CCDC57: variants seen among roughly 807,000 people sequenced by gnomAD.
CCDC57 encodes coiled-coil domain containing 57, also known as coiled-coil domain-containing protein 57.
CCDC57 carries 118 observed loss-of-function variants against 118.9 expected under a neutral mutation model. The observed-to-expected ratio is 0.99, with a 90% CI of 0.86 to 1.16. The LOEUF is 1.16. Ranked by LOEUF, CCDC57 falls within the 50% of genes most tolerant of loss-of-function variation. The pLI, the probability that CCDC57 is intolerant of heterozygous loss-of-function variation, is 0.00. For missense variants in CCDC57, 1,300 were observed against 1,320.7 expected (o/e 0.98, Z 0.24); for synonymous variants, 527 against 532.9 (o/e 0.99, Z 0.15).
chr17:82,157,455 C>G, intron 15 of CCDC57: 1 of 1,383,166 alleles, frequency 7.2e-7, no homozygotes, highest in Non-Finnish European at 9.3e-7. Context: ...GTGTGCGTTT[C>G]CAACACAAGA....
intron 16 of CCDC57, among the ~76,000 whole-genome samples, chr17:82,136,838 C>T (rs12603637): frequency 0.47 from 70,989 of 151,796 alleles, 17,403 homozygotes; most frequent in East Asian, 0.88. Context: ...CTCCCTTGGC[C>T]TCCCAAAGGG....
chr17:82,209,346 C>A (rs879334600), intron 1 of CCDC57, among the ~76,000 whole-genome samples: 1 of 152,166 alleles, frequency 6.6e-6, no homozygotes, highest in Non-Finnish European at 1.5e-5. Context: ...ACCACGTATA[C>A]ATGTTTCATG....
rs2044958793 is a variant in CCDC57, at chr17:82,172,989, C to T, written c.1507-129G>A. On this transcript the variant is annotated intron_variant, in intron 11 of 19. Transcript: ENST00000665763. This position sits in a 1 kb window ranked among gnomAD's most constrained non-coding sequence, Gnocchi z 5.2. The stretch of plus-strand genomic sequence containing the variant: ...CCCGCTTCAGCTTGGGCTGTGGTCC[C>T]TCCCCATCCCCAGGCTGTGATGCCC... The T allele has an allele frequency of 5.3e-6, 4 of 754,864 alleles. No homozygotes were observed. In the Admixed American group the frequency reaches 8.5e-5, roughly 16 times the overall value. The allele number at this position is 754,864 out of a possible 1,614,324, so 46.8% of individuals were successfully genotyped here.
At chr17:82,109,456 G>T (rs2035093881) in intron 19 of CCDC57, among the ~76,000 whole-genome samples, 1 of 152,160 alleles carries the variant, frequency 6.6e-6, no homozygotes, top group South Asian at 2.1e-4. Context: ...TGAAACAAAT[G>T]GAAAATAAAT....
chr17:82,198,806 C>T (rs9911572), intron 3 of CCDC57, among the ~76,000 whole-genome samples: 69,677 of 151,308 alleles, frequency 0.46, 16,847 homozygotes, highest in East Asian at 0.88. Flanking sequence ...CTGGCTAACA[C>T]GGTGAAACCC....
chr17:82,199,551 A>G (rs536982250), intron 3 of CCDC57, among the ~76,000 whole-genome samples: 17 of 152,162 alleles, frequency 1.1e-4, no homozygotes, highest in Non-Finnish European at 2.9e-5. Flanking sequence ...TGGAGAGAAG[A>G]ATGAGCAAAA....
At chr17:82,141,127 C>T (rs1204685166) in intron 16 of CCDC57, among the ~76,000 whole-genome samples, 2 of 151,790 alleles carry the variant, frequency 1.3e-5, no homozygotes, top group South Asian at 2.1e-4. Context: ...TCTCCTGCCT[C>T]AGCCTCTTGA....
chr17:82,152,835 G>A (rs1473490595), intron 15 of CCDC57, among the ~76,000 whole-genome samples: 1 of 152,244 alleles, frequency 6.6e-6, no homozygotes, highest in African/African-American at 2.4e-5. Context: ...TGGATGGCCT[G>A]GGGTGCAGCC....
chr17:82,118,066 G>T lies in CCDC57; in HGVS notation c.2899+9626C>A, dbSNP rs2036163409. 6.6e-6 allele frequency among the ~76,000 whole-genome samples: 1 copy of T among 152,200 alleles called. No individual in the cohort carries two copies. Among genetic ancestry groups the T allele is most frequent in the South Asian group, 2.1e-4 (1 of 4,834 alleles). On this transcript the variant is annotated intron_variant, in intron 19 of 19. Transcript: ENST00000665763. This position sits in a 1 kb window ranked among gnomAD's most constrained non-coding sequence, Gnocchi z 4.7. The stretch of plus-strand genomic sequence containing the variant: ...CGGCGGCTCACAAAACTACCAGAAA[G>T]ATCTGTCGGCTCTGTGTGTACTGAC...
chr17:82,163,349 C>T, exon 14 of CCDC57: 1 of 1,613,978 alleles, frequency 6.2e-7, no homozygotes, highest in Non-Finnish European at 8.5e-7. Context: ...CCAGCTTGGG[C>T]AGACCCTCCT....
At chr17:82,196,701 C>A (rs2048333359) in intron 4 of CCDC57, among the ~76,000 whole-genome samples, 1 of 152,078 alleles carries the variant, frequency 6.6e-6, no homozygotes. Context: ...AACACTTACA[C>A]CTACCTGCAT....
rs755980803 is a variant in CCDC57 at position 82,183,752 on chromosome 17, A to C, written c.1211+22T>G. ...TGCCCATAGGAGACCCTCAATGGAA[A>C]CATCTGCCTGGGGACAGTTACCTTT... On this transcript the variant is annotated intron_variant, in intron 9 of 19. Transcript: ENST00000665763. 1.4e-5 allele frequency: 22 copies of C among 1,549,186 alleles called. No homozygotes were observed. In the East Asian group the frequency reaches 5.4e-4, roughly 38 times the overall value.
At chr17:82,128,711 A>C in intron 17 of CCDC57, 114 bp from the exon 17 acceptor site, 1 of 838,442 alleles carries the variant, frequency 1.2e-6, no homozygotes, top group Non-Finnish European at 1.9e-6. Context: ...TCTGGTATTA[A>C]AGACTCACAC....
intron 13 of CCDC57, among the ~76,000 whole-genome samples, chr17:82,169,603 C>T (rs1219604568): frequency 6.6e-6 from 1 of 152,110 alleles, no homozygotes. Context: ...GGCTGTCAAG[C>T]TCGGTGATGC....
rs2047740010 is a variant in CCDC57, at chr17:82,192,092, T to A, written c.851+1664A>T. Among the ~76,000 whole-genome samples, 1 of 151,298 alleles carries A rather than the reference T, an allele frequency of 6.6e-6. No individual in the cohort carries two copies. Among genetic ancestry groups the A allele is most frequent in the South Asian group, 2.1e-4 (1 of 4,762 alleles). On this transcript the variant is annotated intron_variant, in intron 7 of 19. Transcript: ENST00000665763. The surrounding 1 kb of genome is among the most constrained non-coding windows in gnomAD (Gnocchi z 4.0). ...CCTCCACCTCCCAAGTTCAAGTGAT[T>A]CCCCTGCCTCAGCCTGCCAAGTAGC... is the stretch of plus-strand genomic sequence containing the variant.
chr17:82,188,443 G>A (rs1173541138), intron 7 of CCDC57, 24 bp from the exon 7 acceptor site: 8 of 1,598,832 alleles, frequency 5.0e-6, no homozygotes, highest in Middle Eastern at 3.3e-4. Flanking sequence ...AGTGTCCCAT[G>A]GCGCTCACCC....
intron 16 of CCDC57, among the ~76,000 whole-genome samples, chr17:82,145,532 G>A (rs1301872881): frequency 6.6e-6 from 1 of 151,838 alleles, no homozygotes; most frequent in Non-Finnish European, 1.5e-5. Context: ...TGGCAACAGA[G>A]ATTCTGTCTC....
At chr17:82,149,436 A>T (rs2041543245) in intron 16 of CCDC57, among the ~76,000 whole-genome samples, 2 of 152,060 alleles carry the variant, frequency 1.3e-5, no homozygotes, top group Admixed American at 1.3e-4. Flanking sequence ...CAAGATGCCC[A>T]GCCTCCACCT....
chr17:82,147,627 G>A (rs552850118), intron 16 of CCDC57, among the ~76,000 whole-genome samples: 84 of 122,088 alleles, frequency 6.9e-4, no homozygotes, highest in African/African-American at 1.8e-3. Flanking sequence ...ATGATTGGGC[G>A]GGTGGGTGGA....
Sources: gnomAD v4.1 joint callset for allele counts (sites outside exome capture counted in the v4.1 genomes callset) on GRCh38, gnomAD v4.1.1 for gene constraint, Gnocchi (gnomAD v3.1) non-coding constraint, MANE v1.5 for transcripts, NCBI Gene and HGNC (gene_info 2026-07-23, HGNC 2026-07-21) for gene names.